FAM135B: variants seen among roughly 807,000 people sequenced by gnomAD.
FAM135B encodes the protein family with sequence similarity 135 member B.
A neutral mutation model predicts 127.7 loss-of-function variants in FAM135B; 43 were observed. The ratio of observed to expected loss-of-function variants is 0.34; its 90% CI spans 0.26 to 0.43. FAM135B has a LOEUF of 0.43. FAM135B is among the 20% of genes least tolerant of loss of function. FAM135B has a pLI of 1.00. For synonymous variants in FAM135B, 670 were observed against 665.1 expected, an observed-to-expected ratio of 1.01 and a Z score of -0.11; for missense variants, 1,558 against 1,725.6, an observed-to-expected ratio of 0.90 and a Z score of 1.72.
intron 3 of FAM135B, among the ~76,000 whole-genome samples, chr8:138,274,216 C>A (rs1166896046): frequency 6.6e-6 from 1 of 152,124 alleles, no homozygotes; most frequent in East Asian, 1.9e-4. Context: ...TTCTATTTTC[C>A]TTAAGCATCG....
At position 138,141,123 on chromosome 8, in the gene FAM135B, G is replaced by A. The variant is rs2130589554; in HGVS notation, c.3790+75C>T. 2 of 1,424,844 alleles carry A rather than the reference G, an allele frequency of 1.4e-6. No homozygotes were observed. The highest frequency in any genetic ancestry group is 2.0e-6 in the Non-Finnish European group (2 of 1,025,032). The allele number at this position is 1,424,844 out of a possible 1,614,324, so 88.3% of individuals were successfully genotyped here. A position where few individuals can be genotyped will look rare whatever the true frequency, so the allele number is the denominator to read the frequency against. On this transcript the variant is annotated intron_variant, in intron 17 of 19. Transcript: ENST00000395297. This position sits in a 1 kb window ranked among gnomAD's most constrained non-coding sequence, Gnocchi z 4.7. ...CACAGTCACAGGGTTCCAAGTGGAAGTACCTGTGCCCGGTTTCACGCCCCA... is the reference window on the plus strand; with the variant it reads ...CACAGTCACAGGGTTCCAAGTGGAAATACCTGTGCCCGGTTTCACGCCCCA...
chr8:138,445,951 CAA>C (rs1459949177), intron 1 of FAM135B, among the ~76,000 whole-genome samples: 3 of 152,060 alleles, frequency 2.0e-5, no homozygotes, highest in African/African-American at 7.3e-5. Flanking sequence ...GCAACTTCAG[CAA>C]AGTCTCAGCA....
intron 17 of FAM135B, among the ~76,000 whole-genome samples, chr8:138,140,963 C>A (rs746215153): frequency 2.6e-5 from 4 of 152,046 alleles, no homozygotes; most frequent in Non-Finnish European, 5.9e-5. Context: ...AGAGACATTG[C>A]CTTTTTTTCA....
intron 1 of FAM135B, among the ~76,000 whole-genome samples, chr8:138,398,930 C>T (rs1317245013): frequency 1.3e-5 from 2 of 152,082 alleles, no homozygotes; most frequent in Non-Finnish European, 2.9e-5. Flanking sequence ...GACCAGGAGA[C>T]GAATATAACC....
At chr8:138,443,240 A>G (rs2131555268) in intron 1 of FAM135B, among the ~76,000 whole-genome samples, 1 of 152,338 alleles carries the variant, frequency 6.6e-6, no homozygotes, top group South Asian at 2.1e-4. Flanking sequence ...TTAATATCCC[A>G]GAAATAATAG....
chr8:138,254,901 A>G (rs1011696108), intron 5 of FAM135B, among the ~76,000 whole-genome samples: 2 of 152,082 alleles, frequency 1.3e-5, no homozygotes, highest in Non-Finnish European at 2.9e-5. Context: ...GTAGACATCC[A>G]TCTTTGGTTC....
chr8:138,280,106 GAATCTACC>G (rs970321524), intron 3 of FAM135B, among the ~76,000 whole-genome samples: 3 of 152,084 alleles, frequency 2.0e-5, no homozygotes, highest in Non-Finnish European at 2.9e-5. Flanking sequence ...GTGGAATCCC[GAATCTACC>G]CGCTGCACCC....
intron 4 of FAM135B, among the ~76,000 whole-genome samples, chr8:138,260,197 C>G (rs1304888458): frequency 2.0e-5 from 3 of 152,140 alleles, no homozygotes; most frequent in Non-Finnish European, 2.9e-5. Flanking sequence ...AATCTTTACC[C>G]TCTAGTGGTG....
chr8:138,352,224 C>A (rs1324352148), intron 2 of FAM135B, among the ~76,000 whole-genome samples: 1 of 152,122 alleles, frequency 6.6e-6, no homozygotes, highest in Non-Finnish European at 1.5e-5. Flanking sequence ...AAGATTTTTA[C>A]TGGGATGCAT....
At chr8:138,305,009 G>A (rs34464066) in intron 3 of FAM135B, among the ~76,000 whole-genome samples, 2 of 152,202 alleles carry the variant, frequency 1.3e-5, no homozygotes, top group African/African-American at 2.4e-5. Flanking sequence ...GGTACTTAGA[G>A]CCTGGGGGCT....
chr8:138,163,935 C>T (rs1819655817), intron 12 of FAM135B, among the ~76,000 whole-genome samples: 1 of 152,166 alleles, frequency 6.6e-6, no homozygotes, highest in Admixed American at 6.5e-5. Flanking sequence ...CTCAAGCAAA[C>T]CTCCCACCTC....
In FAM135B at chr8:138,367,901, A is replaced by G. The variant is rs1262569776; in HGVS notation, c.77+6T>C. 1 of 1,600,506 alleles carries G rather than the reference A, an allele frequency of 6.2e-7. No homozygotes were observed. The highest frequency in any genetic ancestry group is 1.3e-5 in the African/African-American group (1 of 74,610). On this transcript the variant is annotated splice_donor_region_variant and intron_variant, in intron 2 of 19. Coordinates refer to ENST00000395297, the MANE Select transcript of FAM135B (RefSeq NM_015912.4). ...CACACACACACAAATTGTAAAGCATACTTACCCTCTCTGAAAGAGATCCAC... is the reference window on the plus strand; with the variant it reads ...CACACACACACAAATTGTAAAGCATGCTTACCCTCTCTGAAAGAGATCCAC...
intron 3 of FAM135B, among the ~76,000 whole-genome samples, chr8:138,301,698 A>G (rs2130847616): frequency 6.6e-6 from 1 of 152,344 alleles, no homozygotes. Context: ...TCTTAGCATC[A>G]CCTTCCTCAT....
At position 138,130,396 on chromosome 8, in the gene FAM135B, C is replaced by T. The variant is rs1816112522; in HGVS notation, c.*2197G>A. The T allele has an allele frequency of 6.6e-6, 1 of 151,930 alleles. No homozygotes were observed. Among genetic ancestry groups the T allele is most frequent in the Non-Finnish European group, 1.5e-5 (1 of 68,004 alleles). 9.4% of individuals were successfully genotyped at this position (151,930 alleles called of 1,614,324 possible). On this transcript the variant is annotated 3_prime_UTR_variant, in exon 20 of 20. Transcript: ENST00000395297. ...GGGTTTACAAAGACAGCAGAGCACC[C>T]CTATAAAAAAGAGGTGCACCATGCA...
intron 3 of FAM135B, among the ~76,000 whole-genome samples, chr8:138,292,455 A>G (rs946549457): frequency 4.6e-5 from 7 of 152,106 alleles, no homozygotes; most frequent in Admixed American, 4.6e-4. Flanking sequence ...CAAATAGCCA[A>G]AGCAATCTTG....
intron 12 of FAM135B, among the ~76,000 whole-genome samples, chr8:138,161,029 A>G (rs1402118147): frequency 6.6e-6 from 1 of 152,212 alleles, no homozygotes; most frequent in African/African-American, 2.4e-5. Flanking sequence ...ATTAGAGGTC[A>G]CTTTGCTCAA....
rs1563992360 is a variant in FAM135B at position 138,426,000 on chromosome 8, T to TATATATATAC, written c.-19-57999_-19-57998insGTATATATAT. ...ATATATATATATATATATATATATA[T>TATATATATAC]ATATATATATATACACACACATACA... On this transcript the variant is annotated intron_variant, in intron 1 of 19. Transcript: ENST00000395297. Among the ~76,000 whole-genome samples, 52 of 14,494 alleles carry TATATATATAC rather than the reference T, an allele frequency of 3.6e-3. 1 individual carries two copies. Among genetic ancestry groups the TATATATATAC allele is most frequent in the African/African-American group, 0.026 (42 of 1,604 alleles). 9.5% of individuals were successfully genotyped at this position (14,494 alleles called of 152,430 possible). A position where few individuals can be genotyped will look rare whatever the true frequency, so the allele number is the denominator to read the frequency against.
chr8:138,309,704 G>C (rs4412373), intron 3 of FAM135B, among the ~76,000 whole-genome samples: 142,566 of 152,204 alleles, frequency 0.94, 67,101 homozygotes, highest in Non-Finnish European at 0.98. Context: ...TGAATTATAT[G>C]AAGTGTAGCT....
At chr8:138,139,723 A>G (rs7828440) in intron 17 of FAM135B, among the ~76,000 whole-genome samples, 97,321 of 152,092 alleles carry the variant, frequency 0.64, 31,247 homozygotes, top group Admixed American at 0.65. Flanking sequence ...TCGAGATTGC[A>G]CCATTGCATT....
Sources: gnomAD v4.1 joint callset for allele counts (sites outside exome capture counted in the v4.1 genomes callset) on GRCh38, gnomAD v4.1.1 for gene constraint, Gnocchi (gnomAD v3.1) non-coding constraint, MANE v1.5 for transcripts, NCBI Gene and HGNC (gene_info 2026-07-23, HGNC 2026-07-21) for gene names.